HAUS2: variants seen among roughly 807,000 people sequenced by gnomAD.
HAUS2 encodes the protein HAUS augmin like complex subunit 2.
A neutral mutation model predicts 21.6 loss-of-function variants in HAUS2; 20 were observed. The ratio of observed to expected loss-of-function variants is 0.93; its 90% confidence interval spans 0.65 to 1.35. The LOEUF (loss-of-function observed/expected upper bound fraction) is 1.35. HAUS2 is among the 40% of genes most tolerant of loss of function. The pLI is 0.00. For synonymous variants in HAUS2, 113 were observed against 95.6 expected (o/e 1.18, Z -1.06); for missense variants, 297 against 280.7 (o/e 1.06, Z -0.42).
At chr15:42,552,701 C>G (rs2057737916) in intron 1 of HAUS2, among the ~76,000 whole-genome samples, 1 of 152,006 alleles carries the variant, frequency 6.6e-6, no homozygotes, top group Admixed American at 6.6e-5. Flanking sequence ...GAGTCTTGAC[C>G]AAAGCTTGAT....
At chr15:42,557,452 A>ATG (rs1491558146) in intron 1 of HAUS2, among the ~76,000 whole-genome samples, 21 of 93,210 alleles carry the variant, frequency 2.3e-4, no homozygotes, top group African/African-American at 6.6e-4. Context: ...ATTATATATA[A>ATG]TATATACATT....
intron 4 of HAUS2, chr15:42,561,664 A>G (rs547684858): frequency 3.0e-6 from 1 of 328,948 alleles, no homozygotes; most frequent in Non-Finnish European, 5.6e-6. Context: ...ACATGTAACA[A>G]TAAAAACTGT....
intron 1 of HAUS2, among the ~76,000 whole-genome samples, chr15:42,552,305 T>A (rs1444686778): frequency 6.6e-6 from 1 of 152,180 alleles, no homozygotes; most frequent in Non-Finnish European, 1.5e-5. Flanking sequence ...ATTACAGGCA[T>A]GAGCCACTAC....
chr15:42,563,769 A>G lies in HAUS2; in HGVS notation c.410A>G (p.Glu137Gly), dbSNP rs1238829689. The change falls in exon 5 of 6, where the codon GAG (glutamate) becomes GGG (glycine). Residue 137 changes from glutamate (E) to glycine (G), a missense_variant. Coordinates refer to ENST00000260372, the MANE Select transcript of HAUS2 (RefSeq NM_018097.3). ...VYHRYMVHLL[E>G]LAVTFIERLE... Reference sequence around the variant, plus strand: ...TTCAGATATATGGTACATTTGCTGGAGTTGGCTGTGACTTTCATTGAGAGA... The same window carrying G: ...TTCAGATATATGGTACATTTGCTGGGGTTGGCTGTGACTTTCATTGAGAGA... 2 of 1,554,780 alleles carry G rather than the reference A, an allele frequency of 1.3e-6. No individual in the cohort carries two copies. The highest frequency in any genetic ancestry group is 2.3e-5 in the South Asian group (2 of 88,222).
At chr15:42,551,194 G>T (rs1171768637) in intron 1 of HAUS2, among the ~76,000 whole-genome samples, 2 of 150,836 alleles carry the variant, frequency 1.3e-5, no homozygotes, top group Non-Finnish European at 3.0e-5. Context: ...CACCATTTTG[G>T]CCAGGGTAGT....
intron 1 of HAUS2, among the ~76,000 whole-genome samples, chr15:42,556,577 G>A (rs2057778674): frequency 6.6e-6 from 1 of 151,876 alleles, no homozygotes; most frequent in African/African-American, 2.4e-5. Flanking sequence ...ATAAAATATT[G>A]TCTTTGATTT....
intron 5 of HAUS2, among the ~76,000 whole-genome samples, chr15:42,564,793 A>C (rs1489490176): frequency 6.6e-6 from 1 of 152,222 alleles, no homozygotes; most frequent in East Asian, 1.9e-4. Flanking sequence ...CCAGCTTTGC[A>C]ATAAAGATTT....
At chr15:42,556,261 CTTTT>C (rs1200353279) in intron 1 of HAUS2, among the ~76,000 whole-genome samples, 1 of 76,300 alleles carries the variant, frequency 1.3e-5, no homozygotes, top group Non-Finnish European at 2.4e-5. Context: ...TGCGCCCAGG[CTTTT>C]TTTTTTTTTT....
chr15:42,565,749 A>G (rs2057899223), intron 5 of HAUS2, among the ~76,000 whole-genome samples: 1 of 152,220 alleles, frequency 6.6e-6, no homozygotes, highest in Non-Finnish European at 1.5e-5. Flanking sequence ...TCATTCAGAT[A>G]AAAGATTTAA....
At chr15:42,564,397 T>C (rs2057885433) in intron 5 of HAUS2, among the ~76,000 whole-genome samples, 1 of 152,196 alleles carries the variant, frequency 6.6e-6, no homozygotes, top group Admixed American at 6.5e-5. Flanking sequence ...AATAAACATG[T>C]GTTGGCTTCA....
intron 1 of HAUS2, among the ~76,000 whole-genome samples, chr15:42,551,694 G>A (rs1443870730): frequency 2.6e-5 from 4 of 152,048 alleles, no homozygotes; most frequent in Non-Finnish European, 4.4e-5. Context: ...AAAGAGCATT[G>A]GTAGGAAATA....
intron 1 of HAUS2, among the ~76,000 whole-genome samples, chr15:42,554,500 T>A (rs1344053669): frequency 6.6e-6 from 1 of 151,600 alleles, no homozygotes; most frequent in African/African-American, 2.4e-5. Flanking sequence ...GGTGTATTTT[T>A]TTTTTTTTAA....
intron 1 of HAUS2, among the ~76,000 whole-genome samples, chr15:42,552,252 G>C (rs531216248): frequency 3.9e-4 from 60 of 152,198 alleles, no homozygotes; most frequent in South Asian, 2.5e-3. Flanking sequence ...TCGAACTCCT[G>C]ACCTCAAATG....
chr15:42,550,946 C>T (rs560742384), intron 1 of HAUS2, among the ~76,000 whole-genome samples: 9 of 151,618 alleles, frequency 5.9e-5, no homozygotes, highest in Admixed American at 2.0e-4. Flanking sequence ...GGATTACAGG[C>T]GTGAGCCACT....
chr15:42,557,703 A>C (rs2057802213), intron 1 of HAUS2, among the ~76,000 whole-genome samples: 1 of 151,832 alleles, frequency 6.6e-6, no homozygotes, highest in African/African-American at 2.4e-5. Flanking sequence ...GGATACAAAT[A>C]ATCCTTTAAC....
At chr15:42,566,540 G>A in intron 5 of HAUS2, 67 bp from the exon 6 acceptor site, 4 of 879,646 alleles carry the variant, frequency 4.5e-6, no homozygotes, top group Non-Finnish European at 7.6e-6. Context: ...TTTGGTATCA[G>A]TTACTGATGA....
chr15:42,566,597 A>G lies in HAUS2; in HGVS notation c.499-10A>G, dbSNP rs1360495825. ...ATAATTTCTCCTGTTTCCCTTTTCA[A>G]ATGTTACAGAACCAGGCTTTAGCAA... On this transcript the variant is annotated splice_polypyrimidine_tract_variant and intron_variant, in intron 5 of 5. Coordinates refer to ENST00000260372, the MANE Select transcript of HAUS2 (RefSeq NM_018097.3). 8 of 1,482,778 alleles carry G rather than the reference A, an allele frequency of 5.4e-6. No individual in the cohort carries two copies. In the Admixed American group the frequency reaches 1.4e-4, roughly 25 times the overall value. 91.9% of individuals were successfully genotyped at this position (1,482,778 alleles called of 1,614,324 possible). A position where few individuals can be genotyped will look rare whatever the true frequency, so the allele number is the denominator to read the frequency against.
At chr15:42,561,576 A>G (rs191374069) in intron 4 of HAUS2, 174 bp downstream of exon 4, 1 of 497,512 alleles carries the variant, frequency 2.0e-6, no homozygotes, top group Admixed American at 3.4e-5. Context: ...CATTATACCT[A>G]TGGCAAAAAG....
chr15:42,567,123 G>C lies in HAUS2; in HGVS notation c.*307G>C. 4.0e-6 allele frequency: 1 copy of C among 247,286 alleles called. No homozygotes were observed. Among genetic ancestry groups the C allele is most frequent in the Non-Finnish European group, 7.9e-6 (1 of 126,594 alleles). 15.3% of individuals were successfully genotyped at this position (247,286 alleles called of 1,614,324 possible). On this transcript the variant is annotated 3_prime_UTR_variant, in exon 6 of 6. Transcript: ENST00000260372. ...TTTTAAAAATGTGTGTTTATCGTCT[G>C]GTGTGGTGGCTCACACCTGTAATCC...
Sources: allele counts gnomAD v4.1 joint callset (sites outside exome capture counted in the v4.1 genomes callset), GRCh38; gene constraint gnomAD v4.1.1; transcripts MANE v1.5; gene names NCBI Gene and HGNC (gene_info 2026-07-23, HGNC 2026-07-21).